The following PRMT9 variants were observed in gnomAD, a reference collection of about 807,000 sequenced individuals.
PRMT9 encodes the protein protein arginine methyltransferase 9.
PRMT9 carries 59 observed loss-of-function variants against 83.2 expected under a neutral mutation model. The observed-to-expected ratio is 0.71, with a 90% CI of 0.57 to 0.88. The LOEUF is 0.88. Ranked by LOEUF, PRMT9 falls within the 40% of genes least tolerant of loss-of-function variation. PRMT9 has a pLI of 0.00. For missense variants in PRMT9, 947 were observed against 1,021.9 expected (o/e 0.93, Z 1.00); for synonymous variants, 333 against 353.2 (o/e 0.94, Z 0.64).
At chr4:147,670,764 G>A in intron 4 of PRMT9, 21 bp from the exon 5 acceptor site, 1 of 1,456,798 alleles carries the variant, frequency 6.9e-7, no homozygotes. Context: ...ATTTTTTAAA[G>A]ATATATGTAA....
At chr4:147,671,849 T>A (rs763804103) in intron 4 of PRMT9, 1 of 456,234 alleles carries the variant, frequency 2.2e-6, no homozygotes, top group South Asian at 1.5e-5. Flanking sequence ...CATGTCCCTC[T>A]CAAAATTCAT....
In PRMT9 at chr4:147,653,925, T is replaced by C; in HGVS notation, c.1972A>G (p.Ile658Val). The C allele has an allele frequency of 1.9e-6, 3 of 1,614,238 alleles. No homozygotes were observed. The highest frequency in any genetic ancestry group is 1.7e-6 in the Non-Finnish European group (2 of 1,180,038). ...GGCTCAATGACATCCAATATAATTATGCTCCATAACTTGTCTGATTTTGGC... is the reference window on the plus strand; with the variant it reads ...GGCTCAATGACATCCAATATAATTACGCTCCATAACTTGTCTGATTTTGGC... ...QRPKSDKLWS[I>V]IILDVIEPSG... Residue 658 changes from isoleucine to valine, a missense_variant, in exon 9 of 12, where the codon ATA becomes GTA. Ile to Val is a conservative substitution (Grantham distance 29). Coordinates refer to ENST00000322396, the MANE Select transcript of PRMT9 (RefSeq NM_138364.4).
chr4:147,651,098 A>G (rs933490838), intron 9 of PRMT9, among the ~76,000 whole-genome samples: 14 of 151,742 alleles, frequency 9.2e-5, no homozygotes, highest in East Asian at 5.8e-4. Flanking sequence ...GTGAGACTCC[A>G]TCTCAAAAAA....
chr4:147,666,644 T>C (rs1735356296), intron 6 of PRMT9, among the ~76,000 whole-genome samples: 1 of 152,168 alleles, frequency 6.6e-6, no homozygotes, highest in Non-Finnish European at 1.5e-5. Context: ...TTAGTTTCCT[T>C]GGATATTCTT....
chr4:147,669,408 A>G (rs1261269422), intron 5 of PRMT9, among the ~76,000 whole-genome samples: 1 of 152,122 alleles, frequency 6.6e-6, no homozygotes, highest in East Asian at 1.9e-4. Flanking sequence ...TCATTGCTAT[A>G]TATGTATGAA....
chr4:147,652,593 G>GA (rs1437067209), intron 9 of PRMT9, among the ~76,000 whole-genome samples: 1 of 151,788 alleles, frequency 6.6e-6, no homozygotes. Context: ...GGCTGAAGTG[G>GA]AAAAATCACT....
intron 7 of PRMT9, among the ~76,000 whole-genome samples, chr4:147,659,607 T>C (rs1262818356): frequency 3.4e-5 from 4 of 116,496 alleles, no homozygotes; most frequent in African/African-American, 9.7e-5. Flanking sequence ...AGACGGAGTT[T>C]CGCTCTTGTT....
intron 9 of PRMT9, among the ~76,000 whole-genome samples, chr4:147,645,931 C>A (rs750183590): frequency 6.6e-6 from 1 of 152,176 alleles, no homozygotes; most frequent in African/African-American, 2.4e-5. Flanking sequence ...TGTAATAAAT[C>A]CTATATTCAT....
Position 147,660,848 on chromosome 4 carries a change from G to T in PRMT9, c.1144C>A (p.Gln382Lys), listed in dbSNP as rs543162347. 66 of 1,608,286 alleles carry T rather than the reference G, an allele frequency of 4.1e-5. No individual in the cohort carries two copies. The South Asian group carries it at 7.0e-4, about 17-fold the overall frequency. Residue 382 changes from glutamine (Q) to lysine (K), a missense_variant and splice_region_variant, in exon 7 of 12, where the codon CAG becomes AAG. Coordinates refer to ENST00000322396, the MANE Select transcript of PRMT9 (RefSeq NM_138364.4). ...AATAGTAACTGAATTTTTTTCACCT[G>T]AAGGTTGTTGAAATCTACTGTCATA... is the stretch of plus-strand genomic sequence containing the variant. Reference protein sequence around the residue: ...EIMTVDFNNLQELKSLATKKP... With the variant: ...EIMTVDFNNLKELKSLATKKP...
chr4:147,670,176 T>C (rs1208956368), intron 5 of PRMT9, among the ~76,000 whole-genome samples: 5 of 149,728 alleles, frequency 3.3e-5, no homozygotes, highest in Non-Finnish European at 7.5e-5. Context: ...TTGTTTTGTT[T>C]TGTTTTGTTT....
At chr4:147,683,613 T>TTTTTC (rs939242999) in intron 1 of PRMT9, among the ~76,000 whole-genome samples, 186 bp downstream of exon 1, 2 of 150,614 alleles carry the variant, frequency 1.3e-5, no homozygotes, top group Non-Finnish European at 2.9e-5. Flanking sequence ...CCCTCCGCCT[T>TTTTTC]TTTTCTTTTC....
At chr4:147,679,379 A>G (rs936663889) in intron 2 of PRMT9, among the ~76,000 whole-genome samples, 1 of 152,068 alleles carries the variant, frequency 6.6e-6, no homozygotes, top group African/African-American at 2.4e-5. Context: ...CTGGGAGGTC[A>G]AGGTTGCCAT....
At chr4:147,639,257 G>A in intron 10 of PRMT9, 175 bp from the exon 11 acceptor site, 1 of 583,208 alleles carries the variant, frequency 1.7e-6, no homozygotes, top group Non-Finnish European at 3.0e-6. Context: ...AGCTAAGGCT[G>A]GCTTTCATTA....
Position 147,654,391 on chromosome 4 carries a change from G to A in PRMT9, c.1506C>T (p.Ala502=). The change falls in exon 9 of 12, where the codon GCC becomes GCT. Residue 502 remains alanine (A), a synonymous_variant. Transcript: ENST00000322396. ...SLGNEAELCS[A]LANLQTSKPD... ...GTTTACTGGTCTGAAGGTTAGCGAG[G>A]GCACTACAAAGTTCAGCCTCATTTC... The A allele has an allele frequency of 6.2e-7, 1 of 1,614,110 alleles. No homozygotes were observed. Among genetic ancestry groups the A allele is most frequent in the Non-Finnish European group, 8.5e-7 (1 of 1,180,022 alleles).
chr4:147,655,459 G>C (rs1424291871), intron 8 of PRMT9, among the ~76,000 whole-genome samples: 1 of 152,144 alleles, frequency 6.6e-6, no homozygotes, highest in East Asian at 1.9e-4. Context: ...CACTGTGCCT[G>C]GCCTACATGT....
At chr4:147,661,865 T>C (rs1734986683) in intron 6 of PRMT9, among the ~76,000 whole-genome samples, 1 of 141,828 alleles carries the variant, frequency 7.1e-6, no homozygotes, top group Admixed American at 7.1e-5. Flanking sequence ...AAGTAGTCAA[T>C]AGCAAGTATG....
intron 6 of PRMT9, among the ~76,000 whole-genome samples, chr4:147,663,920 T>C (rs1735147137): frequency 6.6e-6 from 1 of 152,226 alleles, no homozygotes; most frequent in Non-Finnish European, 1.5e-5. Context: ...GATACTTGTG[T>C]ATCTTTATTA....
rs923969205 is a variant in PRMT9, at chr4:147,661,757, T to A, written c.954-719A>T. ...GTGAGCCGAGATCACGCCACTGCAC[T>A]CCAGCCTGGGCAACAGAGCGAGACT... On this transcript the variant is annotated intron_variant, in intron 6 of 11. Coordinates refer to ENST00000322396, the MANE Select transcript of PRMT9 (RefSeq NM_138364.4). 3.5e-5 allele frequency among the ~76,000 whole-genome samples: 4 copies of A among 115,174 alleles called. No homozygotes were observed. The Admixed American group carries it at 5.3e-4, about 15-fold the overall frequency. The allele number at this position is 115,174 out of a possible 152,430, so 75.6% of individuals were successfully genotyped here.
chr4:147,672,661 C>G (rs9991057), intron 4 of PRMT9, among the ~76,000 whole-genome samples: 3 of 152,184 alleles, frequency 2.0e-5, no homozygotes, highest in African/African-American at 7.2e-5. Context: ...ATTGACCACA[C>G]AGGATGAATT....
Sources: gnomAD v4.1 joint callset for allele counts (sites outside exome capture counted in the v4.1 genomes callset) on GRCh38, gnomAD v4.1.1 for gene constraint, MANE v1.5 for transcripts, NCBI Gene and HGNC (gene_info 2026-07-23, HGNC 2026-07-21) for gene names.